TSHR: variants seen among roughly 807,000 people sequenced by gnomAD.
TSHR encodes the protein thyrotropin receptor.
A neutral mutation model predicts 64.1 loss-of-function variants in TSHR; 51 were observed. That is an observed-to-expected ratio of 0.80 (90% CI 0.64 to 1.01). The LOEUF (loss-of-function observed/expected upper bound fraction) is 1.01, where lower values mean the gene tolerates loss of function less well. TSHR is among the 50% of genes least tolerant of loss of function. TSHR has a pLI of 0.00. For missense variants in TSHR, 877 were observed against 942.8 expected (o/e 0.93, Z 0.91); for synonymous variants, 361 against 361.9 (o/e 1.00, Z 0.03).
intron 1 of TSHR, among the ~76,000 whole-genome samples, chr14:81,024,201 C>T (rs895382970): frequency 1.3e-5 from 2 of 151,932 alleles, no homozygotes; most frequent in Non-Finnish European, 2.9e-5. Flanking sequence ...TATATGACTT[C>T]ACTTTTTTTC....
At chr14:81,005,270 T>C (rs1380728470) in intron 1 of TSHR, among the ~76,000 whole-genome samples, 1 of 151,930 alleles carries the variant, frequency 6.6e-6, no homozygotes, top group African/African-American at 2.4e-5. Context: ...TCTGTGTGTG[T>C]ACTCTCAATC....
In TSHR at chr14:81,143,091, G is replaced by T; in HGVS notation, c.1033G>T (p.Asp345Tyr). ...VGYKEKSKFQDTHNNAHYYVF... is the reference protein window; with the variant it reads ...VGYKEKSKFQYTHNNAHYYVF... Reference sequence around the variant, plus strand: ...GTACAAGGAAAAGTCCAAGTTCCAGGATACTCATAACAACGCTCATTATTA... The same window carrying T: ...GTACAAGGAAAAGTCCAAGTTCCAGTATACTCATAACAACGCTCATTATTA... The change falls in exon 10 of 10, where the codon GAT (aspartate) becomes TAT (tyrosine). Residue 345 changes from aspartate to tyrosine, a missense_variant. Asp to Tyr is a radical substitution (Grantham distance 160). Transcript: ENST00000298171. The T allele has an allele frequency of 3.1e-6, 5 of 1,614,136 alleles. No individual in the cohort carries two copies. The highest frequency in any genetic ancestry group is 4.2e-6 in the Non-Finnish European group (5 of 1,180,028).
chr14:80,973,403 C>CAAAAAA (rs58316010), intron 1 of TSHR, among the ~76,000 whole-genome samples: 1,260 of 51,398 alleles, frequency 0.025, 217 homozygotes, highest in African/African-American at 0.078. Context: ...GACGCTGTCT[C>CAAAAAA]AAAAAAAAAA....
At chr14:81,037,058 G>A in intron 1 of TSHR, among the ~76,000 whole-genome samples, 1 of 151,944 alleles carries the variant, frequency 6.6e-6, no homozygotes, top group East Asian at 1.9e-4. Flanking sequence ...CAGGAGAATT[G>A]CTTGAACCCG....
At chr14:81,040,586 A>G (rs1366336369) in intron 1 of TSHR, among the ~76,000 whole-genome samples, 1 of 152,106 alleles carries the variant, frequency 6.6e-6, no homozygotes, top group Non-Finnish European at 1.5e-5. Flanking sequence ...AATATACAGA[A>G]TACAAAAGAA....
intron 1 of TSHR, among the ~76,000 whole-genome samples, chr14:81,043,605 C>A (rs111806423): frequency 6.6e-6 from 1 of 151,960 alleles, no homozygotes; most frequent in African/African-American, 2.4e-5. Flanking sequence ...AATATGAAAC[C>A]AAACAGAGCC....
Position 81,130,788 on chromosome 14 carries a change from G to A in TSHR, c.693-8891G>A, listed in dbSNP as rs567139241. ...GGGTGGATCATGAGGTCAGGAGATCGAGACCATCCTGGCTAACAAGGTGAA... is the reference window on the plus strand; with the variant it reads ...GGGTGGATCATGAGGTCAGGAGATCAAGACCATCCTGGCTAACAAGGTGAA... On this transcript the variant is annotated intron_variant, in intron 8 of 9. Transcript: ENST00000298171. 4.0e-4 allele frequency among the ~76,000 whole-genome samples: 37 copies of A among 92,584 alleles called. 5 individuals are homozygous for A. The East Asian group carries it at 0.011, about 28-fold the overall frequency. The allele number at this position is 92,584 out of a possible 152,430, so 60.7% of individuals were successfully genotyped here. A position where few individuals can be genotyped will look rare whatever the true frequency, so the allele number is the denominator to read the frequency against.
chr14:81,019,234 A>G (rs539898200), intron 1 of TSHR, among the ~76,000 whole-genome samples: 8 of 151,932 alleles, frequency 5.3e-5, no homozygotes, highest in Admixed American at 4.6e-4. Flanking sequence ...CTCAGGAGGC[A>G]GAGACAGGAG....
In TSHR at chr14:81,087,993, T is replaced by G; in HGVS notation, c.357T>G (p.Pro119=). ...RNTRNLTYID[P]DALKELPLLK... Reference sequence around the variant, plus strand: ...CCAGGAACTTAACTTACATAGACCCTGATGCCCTCAAAGAGCTCCCCCTCC... The same window carrying G: ...CCAGGAACTTAACTTACATAGACCCGGATGCCCTCAAAGAGCTCCCCCTCC... The change falls in exon 4 of 10, where the codon CCT becomes CCG. Residue 119 remains proline (P), a synonymous_variant. Transcript: ENST00000298171. 1 of 1,613,962 alleles carries G rather than the reference T, an allele frequency of 6.2e-7. No individual in the cohort carries two copies. Among genetic ancestry groups the G allele is most frequent in the Admixed American group, 1.7e-5 (1 of 60,022 alleles).
chr14:81,084,698 C>T (rs983655679), intron 3 of TSHR, among the ~76,000 whole-genome samples: 1 of 152,198 alleles, frequency 6.6e-6, no homozygotes, highest in African/African-American at 2.4e-5. Context: ...TGCTGTATTA[C>T]AAACAGCTTT....
chr14:81,060,843 C>T (rs146303742), intron 1 of TSHR, among the ~76,000 whole-genome samples: 86 of 152,140 alleles, frequency 5.7e-4, no homozygotes, highest in African/African-American at 2.0e-3. Flanking sequence ...CAAGTTAATA[C>T]ACTATGCACA....
intron 1 of TSHR, among the ~76,000 whole-genome samples, chr14:81,059,177 T>G (rs951122896): frequency 1.3e-5 from 2 of 152,200 alleles, no homozygotes; most frequent in African/African-American, 4.8e-5. Context: ...ATAAATATGA[T>G]GTCTTTATTT....
chr14:81,078,310 C>T (rs1207348179), intron 3 of TSHR, among the ~76,000 whole-genome samples: 1 of 152,126 alleles, frequency 6.6e-6, no homozygotes, highest in Non-Finnish European at 1.5e-5. Flanking sequence ...GTAGCAAAGC[C>T]ATTTTTGTTT....
chr14:81,139,949 C>A (rs1231844063), intron 9 of TSHR, 82 bp downstream of exon 9: 2 of 1,547,362 alleles, frequency 1.3e-6, no homozygotes, highest in African/African-American at 2.7e-5. Context: ...GAAGATGCTT[C>A]CTGGTTTGAA....
At chr14:81,059,858 A>C (rs1391406193) in intron 1 of TSHR, among the ~76,000 whole-genome samples, 2 of 152,168 alleles carry the variant, frequency 1.3e-5, no homozygotes. Flanking sequence ...CAACTAACTC[A>C]ATAGTGGGAA....
intron 8 of TSHR, among the ~76,000 whole-genome samples, chr14:81,126,465 CA>C (rs1426121977): frequency 5.9e-5 from 9 of 152,060 alleles, no homozygotes. Flanking sequence ...TATGCCAGGC[CA>C]AAAAGTAAAC....
chr14:81,114,951 A>G (rs1038078936), intron 8 of TSHR, among the ~76,000 whole-genome samples: 20 of 152,178 alleles, frequency 1.3e-4, no homozygotes, highest in Non-Finnish European at 2.8e-4. Flanking sequence ...GTACTCCAAC[A>G]GACCTGCAGC....
chr14:81,138,511 G>A (rs1461236463), intron 8 of TSHR, among the ~76,000 whole-genome samples: 3 of 152,056 alleles, frequency 2.0e-5, no homozygotes, highest in African/African-American at 7.2e-5. Flanking sequence ...ATTCTTACCA[G>A]CAGACCAGTT....
chr14:81,047,338 C>A (rs190402110), intron 1 of TSHR, among the ~76,000 whole-genome samples: 5 of 151,970 alleles, frequency 3.3e-5, no homozygotes, highest in African/African-American at 9.7e-5. Context: ...ACACACACAC[C>A]CCTCCCCCAA....
Sources: gnomAD v4.1 joint callset for allele counts (sites outside exome capture counted in the v4.1 genomes callset) on GRCh38, gnomAD v4.1.1 for gene constraint, MANE v1.5 for transcripts, NCBI Gene and HGNC (gene_info 2026-07-23, HGNC 2026-07-21) for gene names.